NPAS3: variants seen among roughly 807,000 people sequenced by gnomAD.
NPAS3 encodes the protein neuronal PAS domain protein 3.
In NPAS3, 14 loss-of-function variants were observed where a neutral mutation model predicts 73.1. The ratio of observed to expected loss-of-function variants is 0.19; its 90% CI spans 0.13 to 0.30. The LOEUF is 0.30. NPAS3 is among the 10% of genes least tolerant of loss of function. The pLI, the probability that NPAS3 is intolerant of heterozygous loss-of-function variation, is 1.00. For synonymous variants in NPAS3, 620 were observed against 541.5 expected (o/e 1.14, Z -2.01); for missense variants, 1,096 against 1,250.0 (o/e 0.88, Z 1.86).
At chr14:33,768,026 A>T (rs191024712) in intron 7 of NPAS3, among the ~76,000 whole-genome samples, 17 of 152,336 alleles carry the variant, frequency 1.1e-4, no homozygotes, top group Admixed American at 2.0e-4. Flanking sequence ...ATCTAACAGC[A>T]TCACACACAG....
chr14:33,146,275 A>AGTGTTATCC (rs1566608499), intron 2 of NPAS3, among the ~76,000 whole-genome samples: 1 of 152,174 alleles, frequency 6.6e-6, no homozygotes, highest in African/African-American at 2.4e-5. Flanking sequence ...TGAGCTTCAG[A>AGTGTTATCC]GTGTTATCCA....
chr14:33,389,544 A>G lies in NPAS3; in HGVS notation c.468+22276A>G, dbSNP rs2046911283. Among the ~76,000 whole-genome samples the G allele has an allele frequency of 2.0e-5, 3 of 152,222 alleles. 1 individual carries two copies. The South Asian group carries it at 6.2e-4, about 32-fold the overall frequency. On this transcript the variant is annotated intron_variant, in intron 4 of 11. Coordinates refer to ENST00000356141, the Ensembl canonical transcript of NPAS3. ...TCAGTATAGTCATTTACAAAGTGAC[A>G]CTAATGCAGCTCTCATATATTAAAG...
At chr14:33,361,745 G>A (rs2045612755) in intron 3 of NPAS3, among the ~76,000 whole-genome samples, 1 of 152,096 alleles carries the variant, frequency 6.6e-6, no homozygotes, top group Admixed American at 6.5e-5. Flanking sequence ...TCTGAGATAT[G>A]AATTATGAAG....
intron 4 of NPAS3, among the ~76,000 whole-genome samples, chr14:33,456,567 C>T (rs560785034): frequency 1.3e-5 from 2 of 152,266 alleles, no homozygotes; most frequent in Admixed American, 6.5e-5. Context: ...AGTACATCCC[C>T]CTTCTGATTA....
chr14:33,169,377 G>A (rs1048589715), intron 2 of NPAS3, among the ~76,000 whole-genome samples: 1 of 152,166 alleles, frequency 6.6e-6, no homozygotes, highest in Non-Finnish European at 1.5e-5. Context: ...AGACCAGCCT[G>A]GCCAGCATGG....
chr14:33,448,529 T>G (rs1253271893), intron 4 of NPAS3, among the ~76,000 whole-genome samples: 1 of 152,212 alleles, frequency 6.6e-6, no homozygotes, highest in Non-Finnish European at 1.5e-5. Flanking sequence ...CTTTATTCCA[T>G]GAACTGTGCT....
At chr14:33,073,279 T>C (rs2041547428) in intron 2 of NPAS3, among the ~76,000 whole-genome samples, 1 of 152,222 alleles carries the variant, frequency 6.6e-6, no homozygotes, top group African/African-American at 2.4e-5. Flanking sequence ...ATGAGGCATA[T>C]AATTTATTGA....
intron 2 of NPAS3, among the ~76,000 whole-genome samples, chr14:33,121,410 G>T (rs887465818): frequency 1.3e-5 from 2 of 151,982 alleles, no homozygotes; most frequent in African/African-American, 4.8e-5. Flanking sequence ...ACTATATTTT[G>T]TTTATTTATT....
At chr14:32,983,202 C>G (rs2037969323) in intron 1 of NPAS3, among the ~76,000 whole-genome samples, 1 of 152,078 alleles carries the variant, frequency 6.6e-6, no homozygotes. Flanking sequence ...AAAAAATCTT[C>G]AAGTTCTGTC....
At chr14:33,339,905 A>G (rs2044394438) in intron 3 of NPAS3, among the ~76,000 whole-genome samples, 1 of 152,210 alleles carries the variant, frequency 6.6e-6, no homozygotes, top group African/African-American at 2.4e-5. Flanking sequence ...AATATAATAT[A>G]TTGGGATATT....
chr14:33,357,261 G>A (rs939405884), intron 3 of NPAS3, among the ~76,000 whole-genome samples: 10 of 152,170 alleles, frequency 6.6e-5, no homozygotes, highest in African/African-American at 2.4e-4. Context: ...TTATGTCTGA[G>A]GCATTCAGCA....
intron 2 of NPAS3, among the ~76,000 whole-genome samples, chr14:33,099,194 C>T (rs1306852125): frequency 5.9e-5 from 9 of 152,178 alleles, no homozygotes; most frequent in East Asian, 1.9e-4. Context: ...CTACTTGGCT[C>T]TCCTGTGACT....
intron 9 of NPAS3, among the ~76,000 whole-genome samples, chr14:33,791,618 G>C (rs747722194): frequency 5.3e-5 from 8 of 152,300 alleles, no homozygotes; most frequent in African/African-American, 9.6e-5. Flanking sequence ...TCCAAATTGG[G>C]ATTTTATTAA....
intron 3 of NPAS3, among the ~76,000 whole-genome samples, chr14:33,290,470 ATATT>A (rs1404196718): frequency 6.6e-6 from 1 of 152,206 alleles, no homozygotes; most frequent in Non-Finnish European, 1.5e-5. Context: ...GATGAATAGC[ATATT>A]TATTAAATTC....
At chr14:32,984,663 T>G (rs2038030038) in intron 1 of NPAS3, among the ~76,000 whole-genome samples, 1 of 152,220 alleles carries the variant, frequency 6.6e-6, no homozygotes, top group East Asian at 1.9e-4. Flanking sequence ...GGAATACTAT[T>G]GTGTTTGTAT....
At chr14:33,522,415 C>T (rs916767454) in intron 4 of NPAS3, among the ~76,000 whole-genome samples, 7 of 151,762 alleles carry the variant, frequency 4.6e-5, no homozygotes, top group Admixed American at 2.0e-4. Flanking sequence ...AGTTGTATCC[C>T]TGTGGGTGAG....
At chr14:33,654,079 A>G (rs1157957294) in intron 5 of NPAS3, among the ~76,000 whole-genome samples, 1 of 152,194 alleles carries the variant, frequency 6.6e-6, no homozygotes, top group Non-Finnish European at 1.5e-5. Flanking sequence ...TTGCTTAATT[A>G]TCTTTCAAAA....
intron 3 of NPAS3, among the ~76,000 whole-genome samples, chr14:33,355,059 C>G (rs2045272949): frequency 6.6e-6 from 1 of 152,152 alleles, no homozygotes. Context: ...CTGATGGGGC[C>G]ATTTGTGACT....
At chr14:33,424,886 A>G (rs1269400585) in intron 4 of NPAS3, among the ~76,000 whole-genome samples, 1 of 151,982 alleles carries the variant, frequency 6.6e-6, no homozygotes. Context: ...CTGTAAACAG[A>G]TGGAATTGAA....
Sources: allele counts gnomAD v4.1 joint callset (sites outside exome capture counted in the v4.1 genomes callset), GRCh38; gene constraint gnomAD v4.1.1; transcripts MANE v1.5; gene names NCBI Gene and HGNC (gene_info 2026-07-23, HGNC 2026-07-21).